TECTB: variants seen among roughly 807,000 people sequenced by gnomAD.
TECTB encodes the protein beta-tectorin.
In TECTB, 45 loss-of-function variants were observed where a neutral mutation model predicts 43.3. The observed-to-expected ratio is 1.04, with a 90% CI of 0.82 to 1.33. The LOEUF (loss-of-function observed/expected upper bound fraction) is 1.33. Among genes scored for constraint, TECTB ranks in the 40% most tolerant of loss-of-function variants. TECTB has a pLI of 0.00. For synonymous variants in TECTB, 169 were observed against 156.7 expected, an observed-to-expected ratio of 1.08 and a Z score of -0.59; for missense variants, 399 against 404.7, an observed-to-expected ratio of 0.99 and a Z score of 0.12.
chr10:112,288,061 G>A (rs923903040), intron 5 of TECTB, among the ~76,000 whole-genome samples: 2 of 152,214 alleles, frequency 1.3e-5, no homozygotes, highest in African/African-American at 2.4e-5. Flanking sequence ...GATGAAAGCC[G>A]TCCGGAGAGG....
At chr10:112,302,165 G>C (rs1848617576) in intron 10 of TECTB, 32 bp downstream of exon 10, 4 of 1,612,054 alleles carry the variant, frequency 2.5e-6, no homozygotes, top group Non-Finnish European at 3.4e-6. Context: ...GGGATTTCGT[G>C]GGGCTATGCT....
chr10:112,294,540 C>G (rs1197550487), intron 7 of TECTB, among the ~76,000 whole-genome samples: 14 of 152,194 alleles, frequency 9.2e-5, no homozygotes, highest in Non-Finnish European at 2.1e-4. Context: ...GCTAGATAGT[C>G]CAACCATTTT....
At chr10:112,285,614 C>T (rs1427981976) in intron 3 of TECTB, among the ~76,000 whole-genome samples, 1 of 152,130 alleles carries the variant, frequency 6.6e-6, no homozygotes, top group Non-Finnish European at 1.5e-5. Context: ...GATTTTAGAG[C>T]CCAACAAGTC....
In TECTB at chr10:112,302,123, TA is replaced by T; in HGVS notation, c.931del (p.Ser311AlafsTer11). 6.2e-7 allele frequency: 1 copy of T among 1,614,122 alleles called. No individual in the cohort carries two copies. Among genetic ancestry groups the T allele is most frequent in the Non-Finnish European group, 8.5e-7 (1 of 1,179,960 alleles). ...CAGGCAGGGGATTTTCCAGTCTCTA[TA>T]GCTTCTCAGGTAAGGAAAAGAGACA... ...LRSRGFSSLY[S>X]FSDVLHHLIM... On this transcript the variant is annotated frameshift_variant, in exon 10 of 11. Transcript: ENST00000646139. LOFTEE classifies it high-confidence loss of function.
At chr10:112,286,756 C>G (rs1368258679) in intron 5 of TECTB, among the ~76,000 whole-genome samples, 1 of 151,918 alleles carries the variant, frequency 6.6e-6, no homozygotes, top group Non-Finnish European at 1.5e-5. Flanking sequence ...CTCGTCTCCA[C>G]TAAAAAAATA....
chr10:112,302,296 C>A, intron 10 of TECTB, 163 bp downstream of exon 10: 1 of 729,830 alleles, frequency 1.4e-6, no homozygotes, highest in Non-Finnish European at 2.2e-6. Context: ...ATCAAGAGGT[C>A]TCCCTCTGAC....
intron 3 of TECTB, 88 bp from the exon 4 acceptor site, chr10:112,285,983 T>C: frequency 6.4e-7 from 1 of 1,551,068 alleles, no homozygotes; most frequent in Non-Finnish European, 8.8e-7. Context: ...GGACTTGTTT[T>C]TGAGCCATCT....
At chr10:112,295,212 A>G (rs935916210) in intron 7 of TECTB, among the ~76,000 whole-genome samples, 4 of 152,266 alleles carry the variant, frequency 2.6e-5, no homozygotes, top group African/African-American at 9.6e-5. Context: ...CATCAGGCCA[A>G]GGAAAAATTA....
intron 8 of TECTB, 78 bp from the exon 9 acceptor site, chr10:112,299,410 TTTTC>T (rs1848576452): frequency 2.9e-6 from 4 of 1,380,770 alleles, no homozygotes; most frequent in African/African-American, 2.9e-5. Flanking sequence ...TTAAAATATC[TTTTC>T]TTTCTCTTTT....
At chr10:112,302,620 A>G in intron 10 of TECTB, 1 of 301,728 alleles carries the variant, frequency 3.3e-6, no homozygotes, top group Non-Finnish European at 6.0e-6. Context: ...AATTACAGCT[A>G]AGGGCACTGA....
intron 5 of TECTB, among the ~76,000 whole-genome samples, 178 bp from the exon 6 acceptor site, chr10:112,293,560 T>C (rs745742215): frequency 2.2e-4 from 34 of 152,234 alleles, no homozygotes; most frequent in Non-Finnish European, 3.5e-4. Flanking sequence ...CCTTCTAAGA[T>C]GGCATAGTGT....
At chr10:112,284,397 A>G in intron 2 of TECTB, 138 bp from the exon 3 acceptor site, 1 of 806,438 alleles carries the variant, frequency 1.2e-6, no homozygotes. Context: ...CTTTTGTCAC[A>G]GCTGGTGAGG....
Position 112,283,514 on chromosome 10 carries a change from TGCC to T in TECTB, c.-88+19_-88+21del. 1 of 546,818 alleles carries T rather than the reference TGCC, an allele frequency of 1.8e-6. No homozygotes were observed. Among genetic ancestry groups the T allele is most frequent in the Non-Finnish European group, 3.2e-6 (1 of 309,202 alleles). The allele number at this position is 546,818 out of a possible 1,614,324, so 33.9% of individuals were successfully genotyped here. On this transcript the variant is annotated intron_variant, in intron 1 of 10. Coordinates refer to ENST00000646139, the MANE Select transcript of TECTB (RefSeq NM_058222.3). ...TTCCAACGGTATGAGCCCCACTTTT[TGCC>T]TCTCAGCGCTAACAGGAAACAATTA... is the stretch of plus-strand genomic sequence containing the variant.
chr10:112,283,790 C>A lies in TECTB; in HGVS notation c.56C>A (p.Ser19Ter). 1 of 1,613,878 alleles carries A rather than the reference C, an allele frequency of 6.2e-7. No homozygotes were observed. Among genetic ancestry groups the A allele is most frequent in the Non-Finnish European group, 8.5e-7 (1 of 1,179,888 alleles). Reference sequence around the variant, plus strand: ...ATCTTTGCAGAAGCCTCTGCAAAATCGTGTGCTCCAAATAAAGCAGGTATG... The same window carrying A: ...ATCTTTGCAGAAGCCTCTGCAAAATAGTGTGCTCCAAATAAAGCAGGTATG... ...LAIFAEASAK[S>*]CAPNKADVIL... Residue 19 changes from serine (S) to a stop codon, truncating the protein, a stop_gained, in exon 2 of 11, where the codon TCG becomes TAG. Transcript: ENST00000646139. LOFTEE classifies it high-confidence loss of function.
chr10:112,300,230 T>TAAAGAAAG lies in TECTB; in HGVS notation c.907+710_907+717dup, dbSNP rs1554854200. ...AGACAGACAGACAGACAGAAAGAAATAAAGAAAGAAAGAAAGAAAGAAAGA... is the reference window on the plus strand; with the variant it reads ...AGACAGACAGACAGACAGAAAGAAATAAAGAAAGAAAGAAAGAAAGAAAGAAAGAAAGA... On this transcript the variant is annotated intron_variant, in intron 9 of 10. Transcript: ENST00000646139. Among the ~76,000 whole-genome samples, 428 of 54,976 alleles carry TAAAGAAAG rather than the reference T, an allele frequency of 7.8e-3. 6 individuals are homozygous for TAAAGAAAG. Among genetic ancestry groups the TAAAGAAAG allele is most frequent in the Admixed American group, 0.016 (71 of 4,394 alleles). 36.1% of individuals were successfully genotyped at this position (54,976 alleles called of 152,430 possible). A position where few individuals can be genotyped will look rare whatever the true frequency, so the allele number is the denominator to read the frequency against.
At chr10:112,296,735 C>A (rs577033909) in intron 7 of TECTB, among the ~76,000 whole-genome samples, 1 of 152,226 alleles carries the variant, frequency 6.6e-6, no homozygotes, top group South Asian at 2.1e-4. Context: ...TTAGTGCCTG[C>A]CTTTAGCTTG....
intron 5 of TECTB, 132 bp downstream of exon 5, chr10:112,286,523 G>A: frequency 6.0e-6 from 6 of 1,007,496 alleles, no homozygotes; most frequent in Non-Finnish European, 5.7e-6. Context: ...GTTGAAACAT[G>A]AACTTTGGTT....
chr10:112,300,295 GAA>G (rs762285463), intron 9 of TECTB, among the ~76,000 whole-genome samples: 5 of 87,452 alleles, frequency 5.7e-5, no homozygotes, highest in East Asian at 8.1e-4. Flanking sequence ...AAGAAAGAAA[GAA>G]AGAAAGAAAG....
chr10:112,290,984 TTTTATC>T (rs1848494635), intron 5 of TECTB, among the ~76,000 whole-genome samples: 1 of 152,192 alleles, frequency 6.6e-6, no homozygotes, highest in African/African-American at 2.4e-5. Flanking sequence ...GTCCACTTTA[TTTTATC>T]TTTATTTGTT....
Sources: allele counts gnomAD v4.1 joint callset (sites outside exome capture counted in the v4.1 genomes callset), GRCh38; gene constraint gnomAD v4.1.1; transcripts MANE v1.5; gene names NCBI Gene and HGNC (gene_info 2026-07-23, HGNC 2026-07-21).